Variants in PIK3C2G observed in about 807,000 individuals in gnomAD.
PIK3C2G encodes phosphatidylinositol 3-kinase C2 domain-containing subunit gamma.
PIK3C2G carries 168 observed loss-of-function variants against 181.1 expected under a neutral mutation model. That is an observed-to-expected ratio of 0.93 (90% CI 0.82 to 1.05). The LOEUF (loss-of-function observed/expected upper bound fraction) is 1.05. Ranked by LOEUF, PIK3C2G falls within the 50% of genes least tolerant of loss-of-function variation. PIK3C2G has a pLI of 0.00. For synonymous variants in PIK3C2G, 573 were observed against 592.2 expected (o/e 0.97, Z 0.47); for missense variants, 1,869 against 1,732.8 (o/e 1.08, Z -1.40).
Position 18,488,642 on chromosome 12 carries a change from A to G in PIK3C2G, c.2685+13A>G. 6.9e-7 allele frequency: 1 copy of G among 1,442,828 alleles called. No individual in the cohort carries two copies. Among genetic ancestry groups the G allele is most frequent in the Non-Finnish European group, 9.2e-7 (1 of 1,083,248 alleles). 89.4% of individuals were successfully genotyped at this position (1,442,828 alleles called of 1,614,324 possible). ...CCATCAAAGACAGGTTTGTTGAAAT[A>G]TTAATATTCAGGTAGTAATGTTTTT... On this transcript the variant is annotated intron_variant, in intron 19 of 32. Coordinates refer to ENST00000538779, the MANE Select transcript of PIK3C2G (RefSeq NM_001288772.2).
At chr12:18,665,571 T>C in the PIK3C2G span, among the ~76,000 whole-genome samples, 1 of 152,270 alleles carries the variant, frequency 6.6e-6, no homozygotes, top group East Asian at 1.9e-4. Flanking sequence ...GGCAGGCAGA[T>C]CACCTGAGGT....
chr12:18,248,122 T>G (rs1483076385), intron 1 of PIK3C2G: 1 of 152,122 alleles, frequency 6.6e-6, no homozygotes, highest in Non-Finnish European at 1.5e-5. Flanking sequence ...CTGGTGATGG[T>G]ATTAAATTCT....
At chr12:18,647,818 A>G in intron 32 of PIK3C2G, 58 bp from the exon 33 acceptor site, 3 of 1,057,376 alleles carry the variant, frequency 2.8e-6, no homozygotes, top group South Asian at 2.5e-5. Context: ...CAATACTCAA[A>G]AAAGAGATGT....
chr12:18,510,665 A>G (rs1398101697), intron 24 of PIK3C2G, among the ~76,000 whole-genome samples: 1 of 152,196 alleles, frequency 6.6e-6, no homozygotes, highest in Non-Finnish European at 1.5e-5. Context: ...GTTTAAGGTC[A>G]GGTACACTGG....
intron 15 of PIK3C2G, among the ~76,000 whole-genome samples, chr12:18,394,739 TTATC>T (rs1943750515): frequency 6.6e-6 from 1 of 151,810 alleles, no homozygotes; most frequent in South Asian, 2.1e-4. Context: ...GCAATAGGAA[TTATC>T]CCCCATGTTG....
chr12:18,307,554 T>C (rs1318716775), intron 5 of PIK3C2G, among the ~76,000 whole-genome samples: 1 of 151,898 alleles, frequency 6.6e-6, no homozygotes, highest in Admixed American at 6.6e-5. Flanking sequence ...GTTATAAGCA[T>C]TGTAATTCCC....
intron 18 of PIK3C2G, among the ~76,000 whole-genome samples, chr12:18,469,822 C>G (rs1938276908): frequency 6.7e-6 from 1 of 150,084 alleles, no homozygotes; most frequent in African/African-American, 2.4e-5. Context: ...TACTCTAATA[C>G]CAGATATCAG....
chr12:18,616,891 TTAAA>T (rs1310271840), intron 31 of PIK3C2G, among the ~76,000 whole-genome samples: 2 of 152,172 alleles, frequency 1.3e-5, no homozygotes, highest in South Asian at 4.1e-4. Flanking sequence ...ACAAAATGGA[TTAAA>T]TAATTTCCAG....
At chr12:18,263,014 C>T (rs1948315439) in intron 1 of PIK3C2G, among the ~76,000 whole-genome samples, 1 of 151,920 alleles carries the variant, frequency 6.6e-6, no homozygotes, top group African/African-American at 2.4e-5. Flanking sequence ...AGCAATAGAC[C>T]TTTTATGACA....
chr12:18,282,731 G>T lies in PIK3C2G; in HGVS notation c.650G>T (p.Trp217Leu). 6.2e-7 allele frequency: 1 copy of T among 1,609,298 alleles called. No individual in the cohort carries two copies. Among genetic ancestry groups the T allele is most frequent in the South Asian group, 1.1e-5 (1 of 90,166 alleles). ...AAAGGCTCTCTTCAACCCGGAATGT[G>T]GGAAAGTACATGGCAGAAGAATATA... ...LLKGSLQPGM[W>L]ESTWQKNIES... Residue 217 changes from tryptophan (W) to leucine (L), a missense_variant, in exon 2 of 33, where the codon TGG becomes TTG. Trp to Leu is a moderately conservative substitution (Grantham distance 61). Transcript: ENST00000538779.
chr12:18,318,741 T>G (rs1227484383), intron 6 of PIK3C2G, among the ~76,000 whole-genome samples: 1 of 151,726 alleles, frequency 6.6e-6, no homozygotes, highest in Non-Finnish European at 1.5e-5. Context: ...TTGATAATAT[T>G]ATACTGAAAT....
intron 16 of PIK3C2G, among the ~76,000 whole-genome samples, chr12:18,402,498 G>A (rs1944301103): frequency 6.6e-6 from 1 of 152,108 alleles, no homozygotes; most frequent in Non-Finnish European, 1.5e-5. Context: ...TTTAAATGGG[G>A]TGGATTGTAT....
At chr12:18,717,933 T>G in the PIK3C2G span, among the ~76,000 whole-genome samples, 1 of 152,130 alleles carries the variant, frequency 6.6e-6, no homozygotes, top group Non-Finnish European at 1.5e-5. Flanking sequence ...ATATGCTGTA[T>G]GAGATACTCC....
chr12:18,564,446 C>T (rs975249739), intron 28 of PIK3C2G, among the ~76,000 whole-genome samples: 8 of 150,294 alleles, frequency 5.3e-5, no homozygotes, highest in Middle Eastern at 3.4e-3. Flanking sequence ...GATTTTTACT[C>T]GGCTTTCAGG....
intron 5 of PIK3C2G, among the ~76,000 whole-genome samples, chr12:18,298,095 T>G (rs2137260221): frequency 6.6e-6 from 1 of 152,074 alleles, no homozygotes; most frequent in East Asian, 1.9e-4. Flanking sequence ...TTTTGCAAAA[T>G]CTCCATACTG....
Position 18,318,860 on chromosome 12 carries a change from C to T in PIK3C2G, c.1138-2102C>T, listed in dbSNP as rs1228393913. ...CTCTAATCCCAGCACTTTGGGAGGC[C>T]GAGGTGGGCAGATCACCTGAGGTCA... is the stretch of plus-strand genomic sequence containing the variant. On this transcript the variant is annotated intron_variant, in intron 6 of 32. Coordinates refer to ENST00000538779, the MANE Select transcript of PIK3C2G (RefSeq NM_001288772.2). 4.6e-5 allele frequency among the ~76,000 whole-genome samples: 7 copies of T among 150,800 alleles called. No homozygotes were observed. The East Asian group carries it at 5.8e-4, about 13-fold the overall frequency.
chr12:18,282,584 A>T lies in PIK3C2G; in HGVS notation c.503A>T (p.His168Leu). ...TTAGAAAATGAAAATCATAACTACC[A>T]TATAGGATTTGAAAGTAGCATTCCT... ...KELENENHNY[H>L]IGFESSIPPT... The change falls in exon 2 of 33, where the codon CAT (histidine) becomes CTT (leucine). Residue 168 changes from histidine (H) to leucine (L), a missense_variant. By Grantham distance (99) the His-to-Leu change is moderately conservative (BLOSUM62 -3). Coordinates refer to ENST00000538779, the MANE Select transcript of PIK3C2G (RefSeq NM_001288772.2). The T allele has an allele frequency of 6.2e-7, 1 of 1,612,672 alleles. No individual in the cohort carries two copies. The highest frequency in any genetic ancestry group is 8.5e-7 in the Non-Finnish European group (1 of 1,178,904).
intron 3 of PIK3C2G, 123 bp downstream of exon 3, chr12:18,287,052 C>A: frequency 2.3e-6 from 1 of 430,066 alleles, no homozygotes; most frequent in Non-Finnish European, 4.2e-6. Context: ...TCTGAACACA[C>A]TAAAAAATAA....
intron 16 of PIK3C2G, among the ~76,000 whole-genome samples, chr12:18,401,719 C>A (rs1229291481): frequency 6.6e-6 from 1 of 152,126 alleles, no homozygotes; most frequent in African/African-American, 2.4e-5. Context: ...ATGGGCATTT[C>A]TCCAAAGAAA....
Sources: allele counts gnomAD v4.1 joint callset (sites outside exome capture counted in the v4.1 genomes callset), GRCh38; gene constraint gnomAD v4.1.1; transcripts MANE v1.5; gene names NCBI Gene and HGNC (gene_info 2026-07-23, HGNC 2026-07-21).